The following CSGALNACT1 variants were observed in gnomAD, a reference collection of about 807,000 sequenced individuals.
The protein encoded by CSGALNACT1 is beta4GalNAcT-1.
In CSGALNACT1, 52 loss-of-function variants were observed where a neutral mutation model predicts 51.0. That is an observed-to-expected ratio of 1.02 (90% CI 0.82 to 1.29). The LOEUF (loss-of-function observed/expected upper bound fraction) is 1.29, where lower values mean the gene tolerates loss of function less well. Ranked by LOEUF, CSGALNACT1 falls within the 50% of genes most tolerant of loss-of-function variation. CSGALNACT1 has a pLI of 0.00. For missense variants in CSGALNACT1, 935 were observed against 679.2 expected, an observed-to-expected ratio of 1.38 and a Z score of -4.19; for synonymous variants, 341 against 254.4, an observed-to-expected ratio of 1.34 and a Z score of -3.24.
intron 1 of CSGALNACT1, among the ~76,000 whole-genome samples, chr8:19,696,552 T>TAC (rs1188015366): frequency 6.6e-6 from 1 of 152,194 alleles, no homozygotes; most frequent in Non-Finnish European, 1.5e-5. Flanking sequence ...CCACAGTAGC[T>TAC]ACAGTGGTTA....
chr8:19,654,453 A>C (rs753677002), intron 1 of CSGALNACT1, among the ~76,000 whole-genome samples: 1 of 152,080 alleles, frequency 6.6e-6, no homozygotes, highest in African/African-American at 2.4e-5. Flanking sequence ...AGCAGCCCCA[A>C]CTCCTTAATG....
chr8:19,505,691 G>A lies in CSGALNACT1; in HGVS notation c.144C>T (p.Ala48=), dbSNP rs766644478. 6.2e-6 allele frequency: 10 copies of A among 1,614,152 alleles called. No homozygotes were observed. In the South Asian group the frequency reaches 9.9e-5, roughly 16 times the overall value. Residue 48 remains alanine, a synonymous_variant, in exon 4 of 10, where the codon GCC becomes GCT. Coordinates refer to ENST00000454498, the Ensembl canonical transcript of CSGALNACT1. ...ACCCCTCCTTCCCCGTGGGGCTGTTGGCCCTGGGCAGTGCCAGCTGCTCCT... is the reference window on the plus strand; with the variant it reads ...ACCCCTCCTTCCCCGTGGGGCTGTTAGCCCTGGGCAGTGCCAGCTGCTCCT...
chr8:19,650,556 G>T lies in CSGALNACT1; in HGVS notation c.-544+31917C>A, dbSNP rs143235264. 3.0e-3 allele frequency among the ~76,000 whole-genome samples: 456 copies of T among 152,214 alleles called. 3 individuals are homozygous for T. The highest frequency in any genetic ancestry group is 0.01 in the African/African-American group (435 of 41,518). On this transcript the variant is annotated intron_variant, in intron 1 of 9. Coordinates refer to the CSGALNACT1 transcript ENST00000332246. Reference sequence around the variant, plus strand: ...ACCAACAATATGCTCAGCAATGGTCGAACAGAAGATGCTGATGACGGGGTC... The same window carrying T: ...ACCAACAATATGCTCAGCAATGGTCTAACAGAAGATGCTGATGACGGGGTC...
chr8:19,420,148 C>T (rs888068008), intron 7 of CSGALNACT1, among the ~76,000 whole-genome samples, 192 bp downstream of exon 6: 6 of 152,180 alleles, frequency 3.9e-5, no homozygotes, highest in African/African-American at 1.4e-4. Context: ...TTATAAATTA[C>T]CCAGTCTCAG....
intron 3 of CSGALNACT1, among the ~76,000 whole-genome samples, chr8:19,523,633 A>G (rs775674247): frequency 2.0e-5 from 3 of 152,204 alleles, no homozygotes; most frequent in Non-Finnish European, 2.9e-5. Flanking sequence ...CTTTTCTAGC[A>G]TTCAGTAAAT....
At chr8:19,624,676 G>T (rs1459021430) in intron 1 of CSGALNACT1, among the ~76,000 whole-genome samples, 4 of 144,324 alleles carry the variant, frequency 2.8e-5, no homozygotes, top group African/African-American at 1.0e-4. Context: ...CCATCTTCTT[G>T]TTTTTTTTTT....
At chr8:19,750,581 C>G (rs1338573906) in intron 1 of CSGALNACT1, among the ~76,000 whole-genome samples, 1 of 152,092 alleles carries the variant, frequency 6.6e-6, no homozygotes, top group Non-Finnish European at 1.5e-5. Context: ...GTTATTATCC[C>G]CATTTTGCAC....
intron 1 of CSGALNACT1, among the ~76,000 whole-genome samples, chr8:19,661,988 T>C (rs1039808490): frequency 6.7e-6 from 1 of 150,116 alleles, no homozygotes; most frequent in Non-Finnish European, 1.5e-5. Context: ...GTGTTCACTA[T>C]CCTGGGATAA....
At chr8:19,546,899 C>CTGATTCTGCATTGTGA (rs1426663373) in intron 3 of CSGALNACT1, among the ~76,000 whole-genome samples, 5 of 152,294 alleles carry the variant, frequency 3.3e-5, no homozygotes, top group African/African-American at 1.2e-4. Flanking sequence ...CAGAATGATC[C>CTGATTCTGCATTGTGA]TATGGCTTCA....
intron 4 of CSGALNACT1, 96 bp downstream of exon 3, chr8:19,505,105 G>T: frequency 7.2e-7 from 1 of 1,383,446 alleles, no homozygotes; most frequent in Non-Finnish European, 1.0e-6. Flanking sequence ...CCATCCCAGA[G>T]CCAGCTGCCA....
intron 3 of CSGALNACT1, among the ~76,000 whole-genome samples, chr8:19,564,920 T>C (rs547863162): frequency 6.6e-6 from 1 of 152,282 alleles, no homozygotes; most frequent in East Asian, 1.9e-4. Flanking sequence ...TCAGTAAATA[T>C]TGGTAGAATA....
At chr8:19,661,588 G>C in intron 1 of CSGALNACT1, among the ~76,000 whole-genome samples, 1 of 152,164 alleles carries the variant, frequency 6.6e-6, no homozygotes, top group Non-Finnish European at 1.5e-5. Flanking sequence ...AGTAATACAA[G>C]TGACTTGTGG....
Position 19,558,538 on chromosome 8 carries a change from G to C in CSGALNACT1, c.-297+32622C>G, listed in dbSNP as rs192685822. Among the ~76,000 whole-genome samples, 286 of 152,268 alleles carry C rather than the reference G, an allele frequency of 1.9e-3. 1 individual carries two copies. Among genetic ancestry groups the C allele is most frequent in the African/African-American group, 6.6e-3 (276 of 41,548 alleles). ...GAAAAAGTATCTATGGATTTGGAAA[G>C]CTAATTAACATAAATCGAAATTATA... On this transcript the variant is annotated intron_variant, in intron 3 of 9. Transcript: ENST00000454498.
At chr8:19,570,346 C>T (rs1384815565) in intron 3 of CSGALNACT1, among the ~76,000 whole-genome samples, 2 of 152,086 alleles carry the variant, frequency 1.3e-5, no homozygotes, top group African/African-American at 2.4e-5. Flanking sequence ...AATTTGAATG[C>T]TTGAACACTT....
intron 1 of CSGALNACT1, among the ~76,000 whole-genome samples, chr8:19,656,145 G>C (rs1379723449): frequency 6.6e-6 from 1 of 152,140 alleles, no homozygotes; most frequent in Non-Finnish European, 1.5e-5. Flanking sequence ...AAAAGTTTCT[G>C]ACCAATAGCA....
At chr8:19,485,189 C>T (rs1000559500) in intron 4 of CSGALNACT1, among the ~76,000 whole-genome samples, 2 of 152,082 alleles carry the variant, frequency 1.3e-5, no homozygotes, top group Admixed American at 6.5e-5. Context: ...AAATTACACA[C>T]ACATATACCC....
chr8:19,421,406 A>G (rs1205194053), intron 6 of CSGALNACT1, among the ~76,000 whole-genome samples: 1 of 152,242 alleles, frequency 6.6e-6, no homozygotes, highest in Non-Finnish European at 1.5e-5. Flanking sequence ...CCACGAATTC[A>G]TTCCATGCCC....
intron 1 of CSGALNACT1, among the ~76,000 whole-genome samples, chr8:19,668,221 G>C (rs927794182): frequency 1.3e-5 from 2 of 152,106 alleles, no homozygotes; most frequent in East Asian, 3.9e-4. Flanking sequence ...GCTTTCCTCT[G>C]TTCCTTTAAT....
At chr8:19,673,508 C>A (rs2059947224) in intron 1 of CSGALNACT1, among the ~76,000 whole-genome samples, 1 of 152,204 alleles carries the variant, frequency 6.6e-6, no homozygotes, top group African/African-American at 2.4e-5. Flanking sequence ...CACACTGTTA[C>A]ACACCACTCT....
Sources: allele counts gnomAD v4.1 joint callset (sites outside exome capture counted in the v4.1 genomes callset), GRCh38; gene constraint gnomAD v4.1.1; transcripts MANE v1.5; gene names NCBI Gene and HGNC (gene_info 2026-07-23, HGNC 2026-07-21).